The following FHIT variants were observed in gnomAD, a reference collection of about 807,000 sequenced individuals.
The protein encoded by FHIT is bis(5'-adenosyl)-triphosphatase.
In FHIT, 19 loss-of-function variants were observed where a neutral mutation model predicts 17.9. That is an observed-to-expected ratio of 1.06 (90% CI 0.74 to 1.56). The LOEUF (loss-of-function observed/expected upper bound fraction) is 1.56, where lower values mean the gene tolerates loss of function less well. Among genes scored for constraint, FHIT ranks in the 40% most tolerant of loss-of-function variants. The pLI, the probability that FHIT is intolerant of heterozygous loss-of-function variation, is 0.00. For synonymous variants in FHIT, 81 were observed against 69.7 expected (o/e 1.16, Z -0.81); for missense variants, 248 against 189.2 (o/e 1.31, Z -1.82).
At chr3:60,929,347 G>A (rs1247697929) in intron 3 of FHIT, among the ~76,000 whole-genome samples, 2 of 152,268 alleles carry the variant, frequency 1.3e-5, no homozygotes, top group Admixed American at 1.3e-4. Flanking sequence ...ACATAGTGTT[G>A]GAAGTTATGG....
chr3:59,851,371 C>G (rs1182652541), intron 8 of FHIT, among the ~76,000 whole-genome samples: 1 of 152,188 alleles, frequency 6.6e-6, no homozygotes. Context: ...CAGACCTATG[C>G]TAAGTATTTC....
chr3:60,485,000 A>G (rs919604627), intron 5 of FHIT, among the ~76,000 whole-genome samples: 4 of 152,216 alleles, frequency 2.6e-5, no homozygotes, highest in African/African-American at 9.6e-5. Flanking sequence ...AAGGATATGA[A>G]CAGACATTTC....
intron 7 of FHIT, among the ~76,000 whole-genome samples, chr3:59,968,962 A>G (rs956174492): frequency 6.6e-6 from 1 of 152,180 alleles, no homozygotes; most frequent in African/African-American, 2.4e-5. Context: ...GGGTCTCTTC[A>G]TCTTCGAATT....
intron 5 of FHIT, among the ~76,000 whole-genome samples, chr3:60,315,958 G>T (rs1388446963): frequency 6.6e-6 from 1 of 152,106 alleles, no homozygotes; most frequent in Non-Finnish European, 1.5e-5. Context: ...AAATCATGCT[G>T]CATTAAATTA....
intron 4 of FHIT, among the ~76,000 whole-genome samples, chr3:60,569,965 A>G (rs552990106): frequency 1.3e-5 from 2 of 151,870 alleles, no homozygotes; most frequent in South Asian, 4.2e-4. Flanking sequence ...TTTTTAATCT[A>G]TTTACCCAGT....
At chr3:60,763,084 T>C (rs782286625) in intron 4 of FHIT, among the ~76,000 whole-genome samples, 4 of 152,152 alleles carry the variant, frequency 2.6e-5, no homozygotes, top group Admixed American at 6.5e-5. Flanking sequence ...ACTGTGTAAC[T>C]GTGTAGGTGT....
At chr3:60,312,895 G>GA (rs1709008869) in intron 5 of FHIT, among the ~76,000 whole-genome samples, 1 of 152,148 alleles carries the variant, frequency 6.6e-6, no homozygotes, top group Admixed American at 6.5e-5. Context: ...TCACTACAGA[G>GA]AAAATGTGCT....
intron 1 of FHIT, among the ~76,000 whole-genome samples, chr3:61,241,205 T>C (rs1244466725): frequency 2.6e-5 from 4 of 152,258 alleles, no homozygotes; most frequent in South Asian, 4.1e-4. Flanking sequence ...CTTGCCAGGG[T>C]CATTCCTAGA....
chr3:60,720,370 T>C (rs1232931802), intron 4 of FHIT, among the ~76,000 whole-genome samples: 1 of 152,176 alleles, frequency 6.6e-6, no homozygotes, highest in African/African-American at 2.4e-5. Flanking sequence ...GCCCCATAAA[T>C]ATTTGTTGAA....
chr3:60,655,217 G>A (rs2040086609), intron 4 of FHIT, among the ~76,000 whole-genome samples: 1 of 152,170 alleles, frequency 6.6e-6, no homozygotes, highest in Admixed American at 6.5e-5. Flanking sequence ...CATTTAGGGA[G>A]CTCAGCTGGA....
At chr3:59,998,440 G>A (rs1327599444) in intron 7 of FHIT, among the ~76,000 whole-genome samples, 1 of 152,166 alleles carries the variant, frequency 6.6e-6, no homozygotes, top group African/African-American at 2.4e-5. Context: ...AGAAAAGGCA[G>A]AGACACTAGT....
chr3:60,875,031 G>T (rs140367288), intron 3 of FHIT, among the ~76,000 whole-genome samples: 4 of 152,150 alleles, frequency 2.6e-5, no homozygotes, highest in African/African-American at 9.7e-5. Context: ...GGGAGCATAT[G>T]TCAGGCAACA....
intron 3 of FHIT, among the ~76,000 whole-genome samples, chr3:60,924,214 T>G (rs779620206): frequency 6.6e-6 from 1 of 152,148 alleles, no homozygotes; most frequent in Non-Finnish European, 1.5e-5. Context: ...AGAGTAGTGA[T>G]TCTCCCAGCA....
intron 5 of FHIT, among the ~76,000 whole-genome samples, chr3:60,262,695 C>T (rs563999394): frequency 3.5e-4 from 53 of 151,856 alleles, no homozygotes; most frequent in Admixed American, 9.9e-4. Context: ...AACTGCTAGA[C>T]GCTGAAATAA....
At chr3:61,032,975 T>C (rs2033078911) in intron 3 of FHIT, among the ~76,000 whole-genome samples, 1 of 152,238 alleles carries the variant, frequency 6.6e-6, no homozygotes. Context: ...CTCTGATATC[T>C]GAGGACAGAA....
At chr3:60,540,815 A>G (rs1338828350) in intron 4 of FHIT, among the ~76,000 whole-genome samples, 1 of 152,220 alleles carries the variant, frequency 6.6e-6, no homozygotes, top group Non-Finnish European at 1.5e-5. Flanking sequence ...TACTAAAGAA[A>G]TAAGATAGGA....
At chr3:59,828,161 G>A (rs927432092) in intron 8 of FHIT, among the ~76,000 whole-genome samples, 2 of 152,180 alleles carry the variant, frequency 1.3e-5, no homozygotes, top group Admixed American at 1.3e-4. Flanking sequence ...CAAAGAAATA[G>A]TGGTTTTATT....
chr3:59,981,080 AC>A (rs1268845335), intron 7 of FHIT, among the ~76,000 whole-genome samples: 2 of 152,114 alleles, frequency 1.3e-5, no homozygotes, highest in East Asian at 1.9e-4. Context: ...CAAAAAACCC[AC>A]CACCAACAAA....
intron 5 of FHIT, among the ~76,000 whole-genome samples, chr3:60,019,454 C>A (rs938779464): frequency 8.0e-6 from 1 of 125,078 alleles, no homozygotes; most frequent in African/African-American, 3.0e-5. Flanking sequence ...GTTTCGCTCT[C>A]GTTGCCCAGG....
Sources: allele counts gnomAD v4.1 joint callset (sites outside exome capture counted in the v4.1 genomes callset), GRCh38; gene constraint gnomAD v4.1.1; transcripts MANE v1.5; gene names NCBI Gene and HGNC (gene_info 2026-07-23, HGNC 2026-07-21).